The following STPG2 variants were observed in gnomAD, a reference collection of about 807,000 sequenced individuals.
The protein encoded by STPG2 is sperm-tail PG-rich repeat-containing protein 2.
STPG2 carries 56 observed loss-of-function variants against 54.2 expected under a neutral mutation model. The ratio of observed to expected loss-of-function variants is 1.03; its 90% CI spans 0.83 to 1.29. The LOEUF is 1.29. Ranked by LOEUF, STPG2 falls within the 50% of genes most tolerant of loss-of-function variation. The pLI, the probability that STPG2 is intolerant of heterozygous loss-of-function variation, is 0.00. For synonymous variants in STPG2, 200 were observed against 181.8 expected (o/e 1.10, Z -0.81); for missense variants, 596 against 544.9 (o/e 1.09, Z -0.93).
At chr4:97,879,831 C>T (rs1328321813) in intron 8 of STPG2, among the ~76,000 whole-genome samples, 1 of 152,000 alleles carries the variant, frequency 6.6e-6, no homozygotes, top group African/African-American at 2.4e-5. Flanking sequence ...AAAAGGGAAC[C>T]CCTGTATACT....
At chr4:98,084,508 T>C (rs940602392) in intron 5 of STPG2, among the ~76,000 whole-genome samples, 2 of 152,228 alleles carry the variant, frequency 1.3e-5, no homozygotes, top group Admixed American at 6.5e-5. Context: ...ACAGTATGTA[T>C]ATTTTAACTT....
intron 5 of STPG2, among the ~76,000 whole-genome samples, chr4:98,048,390 A>G (rs1405577641): frequency 6.6e-6 from 1 of 152,260 alleles, no homozygotes; most frequent in African/African-American, 2.4e-5. Flanking sequence ...TTTATCTTAA[A>G]TTAGAAAGAG....
intron 9 of STPG2, among the ~76,000 whole-genome samples, chr4:97,745,355 A>G (rs1725392332): frequency 6.6e-6 from 1 of 151,050 alleles, no homozygotes; most frequent in South Asian, 2.1e-4. Context: ...ATTTAATTTT[A>G]TTCCATTTTA....
At chr4:97,695,566 C>T (rs141794229) in intron 10 of STPG2, among the ~76,000 whole-genome samples, 301 of 152,092 alleles carry the variant, frequency 2.0e-3, no homozygotes, top group African/African-American at 7.0e-3. Flanking sequence ...TGTTGCTGTT[C>T]GCTGATGATA....
chr4:97,919,301 AC>A (rs1406293675), intron 8 of STPG2, among the ~76,000 whole-genome samples: 19 of 151,676 alleles, frequency 1.3e-4, no homozygotes, highest in Non-Finnish European at 2.2e-4. Context: ...TAGAAAAAAA[AC>A]AAATGAAAAT....
intron 10 of STPG2, among the ~76,000 whole-genome samples, chr4:97,681,642 CTT>C (rs1489314075): frequency 6.6e-6 from 1 of 151,766 alleles, no homozygotes. Context: ...AAAGACATGA[CTT>C]TTGTTTTTAA....
chr4:97,466,766 T>C (rs957800463), intron 4 of STPG2, among the ~76,000 whole-genome samples: 4 of 151,996 alleles, frequency 2.6e-5, no homozygotes, highest in African/African-American at 9.7e-5. Flanking sequence ...GCTGCTTGAA[T>C]AAGTTGGTAA....
intron 10 of STPG2, 69 bp from the exon 11 acceptor site, chr4:97,559,186 T>C (rs1441579802): frequency 1.0e-6 from 1 of 996,734 alleles, no homozygotes; most frequent in African/African-American, 1.6e-5. Context: ...ATATTCATTA[T>C]TTAAACATTA....
downstream of STPG2, chr4:97,558,822 T>G: frequency 2.2e-6 from 1 of 454,476 alleles, no homozygotes; most frequent in East Asian, 4.1e-5. Context: ...ATGTTGGGGT[T>G]AACTGTTAAG....
chr4:97,446,213 T>A (rs1435931787), intron 4 of STPG2, among the ~76,000 whole-genome samples: 1 of 152,206 alleles, frequency 6.6e-6, no homozygotes, highest in Admixed American at 6.5e-5. Context: ...ACTCACCTGA[T>A]TAAGGTAACT....
intron 8 of STPG2, among the ~76,000 whole-genome samples, chr4:97,855,352 G>A (rs1729300180): frequency 6.6e-6 from 1 of 151,822 alleles, no homozygotes; most frequent in Non-Finnish European, 1.5e-5. Context: ...CACAATAGTT[G>A]AACTAATTTA....
At chr4:97,803,665 C>T (rs182424966) in intron 9 of STPG2, among the ~76,000 whole-genome samples, 39 of 152,182 alleles carry the variant, frequency 2.6e-4, no homozygotes, top group Admixed American at 9.8e-4. Context: ...CTCAGCCTCC[C>T]GAGTAGCTGG....
At chr4:97,704,567 A>G (rs1197705697) in intron 10 of STPG2, among the ~76,000 whole-genome samples, 3 of 152,228 alleles carry the variant, frequency 2.0e-5, no homozygotes, top group Non-Finnish European at 4.4e-5. Context: ...GTTGTAGTCC[A>G]TGGAGAGTCA....
chr4:97,963,303 T>G (rs1383761940), intron 7 of STPG2, among the ~76,000 whole-genome samples: 1 of 152,166 alleles, frequency 6.6e-6, no homozygotes, highest in African/African-American at 2.4e-5. Context: ...CATGATGGAT[T>G]TAAAATATAC....
chr4:97,495,832 T>C (rs1265372514), intron 4 of STPG2, among the ~76,000 whole-genome samples: 2 of 150,834 alleles, frequency 1.3e-5, no homozygotes, highest in Non-Finnish European at 3.0e-5. Context: ...ATAAAATAAG[T>C]AAATAAATGG....
At chr4:98,039,698 A>C (rs76675987) in intron 5 of STPG2, among the ~76,000 whole-genome samples, 19 of 150,630 alleles carry the variant, frequency 1.3e-4, no homozygotes, top group African/African-American at 1.9e-4. Flanking sequence ...ATATATATAT[A>C]TCTCACATTT....
chr4:97,486,609 G>T (rs1300340231), intron 4 of STPG2, among the ~76,000 whole-genome samples: 2 of 151,684 alleles, frequency 1.3e-5, no homozygotes, highest in East Asian at 1.9e-4. Flanking sequence ...ACAGTGTGGA[G>T]ATTCCTTAAA....
At position 98,109,135 on chromosome 4, in the gene STPG2, T is replaced by A. The variant is rs1209126754; in HGVS notation, c.500+58A>T. 1.6e-5 allele frequency: 18 copies of A among 1,097,780 alleles called. No homozygotes were observed. The East Asian group carries it at 4.5e-4, about 27-fold the overall frequency. 68.0% of individuals were successfully genotyped at this position (1,097,780 alleles called of 1,614,324 possible). ...TTACAGCATAGCCTAGTCTGAATTA[T>A]TAAAATACTTTTCTAGTCAAGAGCT... is the stretch of plus-strand genomic sequence containing the variant. On this transcript the variant is annotated intron_variant, in intron 4 of 10. Transcript: ENST00000295268.
chr4:98,037,285 A>G (rs1433569618), intron 5 of STPG2, among the ~76,000 whole-genome samples: 1 of 152,118 alleles, frequency 6.6e-6, no homozygotes, highest in Non-Finnish European at 1.5e-5. Flanking sequence ...AACTACTAAT[A>G]TATAACAAAT....
Sources: gnomAD v4.1 joint callset for allele counts (sites outside exome capture counted in the v4.1 genomes callset) on GRCh38, gnomAD v4.1.1 for gene constraint, MANE v1.5 for transcripts, NCBI Gene and HGNC (gene_info 2026-07-23, HGNC 2026-07-21) for gene names.